The following HS3ST5 variants were observed in gnomAD, a reference collection of about 807,000 sequenced individuals.
HS3ST5 encodes heparan sulfate-glucosamine 3-sulfotransferase 5.
Under a neutral mutation model 25.4 loss-of-function variants are expected in HS3ST5, and 10 were observed. That is an observed-to-expected ratio of 0.39 (90% CI 0.24 to 0.67). HS3ST5 has a LOEUF of 0.67. Among genes scored for constraint, HS3ST5 ranks in the 30% least tolerant of loss-of-function variants. The probability of loss-of-function intolerance (pLI) is 0.44; values close to 1 mark genes in which losing one functional copy is unlikely to be tolerated. For missense variants in HS3ST5, 324 were observed against 420.7 expected, an observed-to-expected ratio of 0.77 and a Z score of 2.01; for synonymous variants, 170 against 162.4, an observed-to-expected ratio of 1.05 and a Z score of -0.36.
intron 3 of HS3ST5, among the ~76,000 whole-genome samples, chr6:114,119,230 A>T (rs764344959): frequency 6.6e-6 from 1 of 152,222 alleles, no homozygotes; most frequent in African/African-American, 2.4e-5. Flanking sequence ...AAGTTATTTC[A>T]TAGGGGTGAG....
intron 1 of HS3ST5, among the ~76,000 whole-genome samples, chr6:114,303,178 T>C (rs1396855966): frequency 6.6e-6 from 1 of 152,168 alleles, no homozygotes; most frequent in Non-Finnish European, 1.5e-5. Context: ...TATATAATAT[T>C]TTAGTAGAAA....
intron 2 of HS3ST5, among the ~76,000 whole-genome samples, chr6:114,196,683 T>C (rs554910422): frequency 6.6e-5 from 10 of 151,826 alleles, no homozygotes; most frequent in South Asian, 2.1e-4. Flanking sequence ...TAAAATTCCA[T>C]AGAAGTAGAG....
chr6:114,134,016 G>A (rs1777474818), intron 3 of HS3ST5, among the ~76,000 whole-genome samples: 1 of 152,134 alleles, frequency 6.6e-6, no homozygotes, highest in Admixed American at 6.5e-5. Flanking sequence ...GGGAGCGGTA[G>A]TGGGAGGCGG....
At chr6:114,122,662 C>A (rs555622528) in intron 3 of HS3ST5, among the ~76,000 whole-genome samples, 1 of 152,160 alleles carries the variant, frequency 6.6e-6, no homozygotes, top group Non-Finnish European at 1.5e-5. Context: ...CTTCTGTTAA[C>A]ATATGTTACA....
chr6:114,218,765 T>C (rs1001295457), intron 2 of HS3ST5, among the ~76,000 whole-genome samples: 1 of 152,238 alleles, frequency 6.6e-6, no homozygotes, highest in African/African-American at 2.4e-5. Context: ...AAAGTCTAAA[T>C]CATTAGGAAA....
chr6:114,097,419 T>C (rs1775490608), intron 3 of HS3ST5, among the ~76,000 whole-genome samples: 1 of 151,970 alleles, frequency 6.6e-6, no homozygotes, highest in African/African-American at 2.4e-5. Flanking sequence ...TAAAACATAT[T>C]AAAACAAAAG....
At chr6:114,066,888 T>A (rs6926298) in intron 3 of HS3ST5, among the ~76,000 whole-genome samples, 20 of 152,024 alleles carry the variant, frequency 1.3e-4, no homozygotes. Flanking sequence ...ATTTTGTCCC[T>A]CATCTATTTT....
chr6:114,112,502 G>T (rs1212554189), intron 3 of HS3ST5: 1 of 152,208 alleles, frequency 6.6e-6, no homozygotes, highest in Non-Finnish European at 1.5e-5. Flanking sequence ...TAATCAATTT[G>T]TGTTCCCTAA....
intron 1 of HS3ST5, among the ~76,000 whole-genome samples, chr6:114,268,426 TAA>T (rs1773502508): frequency 6.6e-6 from 1 of 152,280 alleles, no homozygotes; most frequent in African/African-American, 2.4e-5. Context: ...ATATATTTCC[TAA>T]GAGGGCCCTT....
chr6:114,340,123 G>C (rs551627694), intron 1 of HS3ST5, among the ~76,000 whole-genome samples: 1 of 152,244 alleles, frequency 6.6e-6, no homozygotes, highest in African/African-American at 2.4e-5. Context: ...CGGCAAAAAT[G>C]GTGAGGACAA....
intron 3 of HS3ST5, among the ~76,000 whole-genome samples, chr6:114,098,309 G>C (rs1263166370): frequency 6.6e-6 from 1 of 151,570 alleles, no homozygotes. Context: ...AAAATCAGAA[G>C]ATCAGTTAAT....
chr6:114,186,950 G>C (rs1303652629), intron 2 of HS3ST5, among the ~76,000 whole-genome samples: 1 of 152,132 alleles, frequency 6.6e-6, no homozygotes, highest in East Asian at 1.9e-4. Flanking sequence ...TCTATAAATG[G>C]AACAACAAAG....
chr6:114,091,882 CTT>C (rs1287501295), intron 3 of HS3ST5, among the ~76,000 whole-genome samples: 4 of 152,180 alleles, frequency 2.6e-5, no homozygotes, highest in Admixed American at 6.5e-5. Flanking sequence ...ACAGAGAACT[CTT>C]ATGTTTTCTG....
chr6:114,206,854 T>C (rs886102540), intron 2 of HS3ST5, among the ~76,000 whole-genome samples: 2 of 152,188 alleles, frequency 1.3e-5, no homozygotes, highest in Non-Finnish European at 2.9e-5. Context: ...GTTGCATACA[T>C]AGATTAACCT....
At chr6:114,166,268 T>C (rs1779205058) in intron 3 of HS3ST5, among the ~76,000 whole-genome samples, 2 of 152,036 alleles carry the variant, frequency 1.3e-5, no homozygotes. Context: ...GGTGGTAAAA[T>C]ATTTACCAAT....
At chr6:114,279,141 G>A (rs115035693) in intron 1 of HS3ST5, among the ~76,000 whole-genome samples, 242 of 151,974 alleles carry the variant, frequency 1.6e-3, no homozygotes, top group African/African-American at 5.6e-3. Flanking sequence ...TTCCAAGTTC[G>A]TATTTTTTAA....
chr6:114,147,393 G>C (rs746583305), intron 3 of HS3ST5, among the ~76,000 whole-genome samples: 5 of 152,120 alleles, frequency 3.3e-5, no homozygotes, highest in Admixed American at 1.3e-4. Context: ...AGGGTTGTTT[G>C]CCCTTCATTT....
At chr6:114,259,925 A>AT (rs1318228656) in intron 1 of HS3ST5, among the ~76,000 whole-genome samples, 2 of 152,196 alleles carry the variant, frequency 1.3e-5, no homozygotes, top group Non-Finnish European at 2.9e-5. Context: ...TTAAAATGGA[A>AT]TTTTTTATTT....
At chr6:114,108,424 A>G (rs1776097290) in intron 3 of HS3ST5, among the ~76,000 whole-genome samples, 1 of 152,172 alleles carries the variant, frequency 6.6e-6, no homozygotes, top group South Asian at 2.1e-4. Flanking sequence ...AACGTGTCTC[A>G]TCAGAGGCAC....
Sources: allele counts gnomAD v4.1 joint callset (sites outside exome capture counted in the v4.1 genomes callset), GRCh38; gene constraint gnomAD v4.1.1; transcripts MANE v1.5; gene names NCBI Gene and HGNC (gene_info 2026-07-23, HGNC 2026-07-21).